Variants in CRYGN observed in about 807,000 individuals in gnomAD.
CRYGN encodes the protein crystallin gamma N, also known as gamma-crystallin N.
Under a neutral mutation model 19.2 loss-of-function variants are expected in CRYGN, and 17 were observed. That is an observed-to-expected ratio of 0.89 (90% CI 0.61 to 1.33). CRYGN has a LOEUF of 1.33. Among genes scored for constraint, CRYGN ranks in the 40% most tolerant of loss-of-function variants. The probability of loss-of-function intolerance (pLI) is 0.00; values close to 1 mark genes in which losing one functional copy is unlikely to be tolerated. For missense variants in CRYGN, 239 were observed against 239.6 expected, an observed-to-expected ratio of 1.00 and a Z score of 0.02; for synonymous variants, 84 against 85.8, an observed-to-expected ratio of 0.98 and a Z score of 0.12.
chr7:151,439,824 T>C lies in CRYGN; in HGVS notation c.21+73A>G. The C allele has an allele frequency of 2.7e-6, 4 of 1,456,976 alleles. No homozygotes were observed. The South Asian group carries it at 5.1e-5, about 19-fold the overall frequency. 90.3% of individuals were successfully genotyped at this position (1,456,976 alleles called of 1,614,324 possible). On this transcript the variant is annotated intron_variant, in intron 1 of 3. Transcript: ENST00000337323. ...TTGTCACCATCAACAGTGTGCACCC[T>C]CCTGCATCCCCTAGCACAGGGGGCG...
chr7:151,437,778 G>A, intron 2 of CRYGN: 1 of 1,388,100 alleles, frequency 7.2e-7, no homozygotes, highest in African/African-American at 1.5e-5. Flanking sequence ...ATTGATACCT[G>A]TATGAAAACT....
Position 151,431,505 on chromosome 7 carries a change from C to A in CRYGN, c.417-1325G>T, listed in dbSNP as rs1009422457. On this transcript the variant is annotated intron_variant, in intron 3 of 3. Transcript: ENST00000337323. This position sits in a 1 kb window ranked among gnomAD's most constrained non-coding sequence, Gnocchi z 4.8. Reference sequence around the variant, plus strand: ...TGCACCAGCTGAAGACGCGAGCCGCCGGTTCTGGGTCTGCCAGCCCTACTG... The same window carrying A: ...TGCACCAGCTGAAGACGCGAGCCGCAGGTTCTGGGTCTGCCAGCCCTACTG... Among the ~76,000 whole-genome samples, 1 of 152,162 alleles carries A rather than the reference C, an allele frequency of 6.6e-6. No homozygotes were observed. The highest frequency in any genetic ancestry group is 1.5e-5 in the Non-Finnish European group (1 of 68,006).
rs772907167 is a variant in CRYGN at position 151,438,164 on chromosome 7, G to A, written c.102C>T (p.Gly34=). The change falls in exon 2 of 4, where the codon GGC becomes GGT. Residue 34 remains glycine, a synonymous_variant. Transcript: ENST00000337323. ...FGDCDNFQDR[G]FMNRVNSIHV... ...GGATGGAGTTCACTCGGTTCATAAA[G>A]CCCCGGTCCTGGAAGTTGTCACAGT... The A allele has an allele frequency of 6.2e-7, 1 of 1,614,220 alleles. No homozygotes were observed. The highest frequency in any genetic ancestry group is 1.1e-5 in the South Asian group (1 of 91,086).
chr7:151,432,282 C>T, intron 3 of CRYGN: 1 of 1,231,594 alleles, frequency 8.1e-7, no homozygotes, highest in Non-Finnish European at 1.0e-6. Context: ...CATACAGGAC[C>T]CACCTGGAGG....
At position 151,430,138 on chromosome 7, in the gene CRYGN, C is replaced by T; in HGVS notation, c.459G>A (p.Leu153=). 1.9e-6 allele frequency: 3 copies of T among 1,613,030 alleles called. No individual in the cohort carries two copies. Among genetic ancestry groups the T allele is most frequent in the Non-Finnish European group, 1.7e-6 (2 of 1,179,016 alleles). The change falls in exon 4 of 4, where the codon CTG becomes CTA. Residue 153 remains leucine (L), a synonymous_variant. Coordinates refer to ENST00000337323, the MANE Select transcript of CRYGN (RefSeq NM_144727.3). This position sits in a 1 kb window ranked among gnomAD's most constrained non-coding sequence, Gnocchi z 5.2. The part of the protein sequence containing the change: ...PRSFGAEDFQ[L]SSSLQSDQGP... ...CTTGATCTGATTGAAGAGAGCTGCT[C>T]AGCTGGAAGTCCTCAGCTCCGAAGC...
At chr7:151,432,883 G>A (rs576570179) in intron 3 of CRYGN, among the ~76,000 whole-genome samples, 1 of 152,280 alleles carries the variant, frequency 6.6e-6, no homozygotes, top group African/African-American at 2.4e-5. Context: ...CTGGTGGGGG[G>A]CCTGGCACAG....
In CRYGN at chr7:151,438,238, G is replaced by C. The variant is rs563377918; in HGVS notation, c.28C>G (p.Leu10Val). 3.7e-6 allele frequency: 6 copies of C among 1,609,132 alleles called. No homozygotes were observed. The African/African-American group carries it at 6.7e-5, about 18-fold the overall frequency. The change falls in exon 2 of 4, where the codon CTC becomes GTC. Residue 10 changes from leucine (L) to valine (V), a missense_variant. By Grantham distance (32) the Leu-to-Val change is conservative. Transcript: ENST00000337323. MAQRSGKIT[L>V]YEGKHFTGQK... is the part of the protein sequence containing the mutation. ...CCTGTGAAGTGCTTGCCTTCATAGA[G>C]AGTGATCTAGAAAGGGCAGGTTACA...
At position 151,430,987 on chromosome 7, in the gene CRYGN, G is replaced by C. The variant is rs763007039; in HGVS notation, c.417-807C>G. On this transcript the variant is annotated intron_variant, in intron 3 of 3. Coordinates refer to ENST00000337323, the MANE Select transcript of CRYGN (RefSeq NM_144727.3). The surrounding 1 kb of genome is among the most constrained non-coding windows in gnomAD (Gnocchi z 5.2). ...CAGCCAGGCCTTGGTCCAGGCACAG[G>C]CCATGTGGACATCTTTGGGGTCTCC... Among the ~76,000 whole-genome samples, 12 of 152,218 alleles carry C rather than the reference G, an allele frequency of 7.9e-5. No individual in the cohort carries two copies. Among genetic ancestry groups the C allele is most frequent in the Non-Finnish European group, 1.3e-4 (9 of 68,042 alleles).
In CRYGN at chr7:151,429,766, A is replaced by C; in HGVS notation, c.*282T>G. ...ATAAATATTCATCAACATCATCACC[A>C]TCATCAGCTGTGGGCTGAGGTGCGA... On this transcript the variant is annotated 3_prime_UTR_variant, in exon 4 of 4. Coordinates refer to ENST00000337323, the MANE Select transcript of CRYGN (RefSeq NM_144727.3). 2.0e-6 allele frequency: 1 copy of C among 497,874 alleles called. No homozygotes were observed. Among genetic ancestry groups the C allele is most frequent in the Non-Finnish European group, 3.6e-6 (1 of 275,114 alleles). 30.8% of individuals were successfully genotyped at this position (497,874 alleles called of 1,614,324 possible).
rs201979525 is a variant in CRYGN, at chr7:151,436,308, G to A, written c.288C>T (p.Arg96=). The A allele has an allele frequency of 3.9e-5, 62 of 1,581,426 alleles. No individual in the cohort carries two copies. The highest frequency in any genetic ancestry group is 5.2e-5 in the Non-Finnish European group (61 of 1,163,834). Residue 96 remains arginine (R), a synonymous_variant, in exon 3 of 4, where the codon CGC becomes CGT. Coordinates refer to ENST00000337323, the MANE Select transcript of CRYGN (RefSeq NM_144727.3). The surrounding 1 kb of genome is among the most constrained non-coding windows in gnomAD (Gnocchi z 5.1). ...RPVGMHGEHF[R]LEIFEGCNFT... ...AGTTGCAACCCTCGAAGATTTCTAG[G>A]CGGAAATGTTCTCCGTGCTCCAAGA... is the stretch of plus-strand genomic sequence containing the variant.
At position 151,429,676 on chromosome 7, in the gene CRYGN, G is replaced by A. The variant is rs1584819811; in HGVS notation, c.*372C>T. On this transcript the variant is annotated 3_prime_UTR_variant, in exon 4 of 4. Transcript: ENST00000337323. ...ATAAGCATATCATCTTGGCATTATT[G>A]TATATGATAAGTAAAATTACACAGA... The A allele has an allele frequency of 6.5e-6, 2 of 308,530 alleles. No homozygotes were observed. The highest frequency in any genetic ancestry group is 8.0e-5 in the East Asian group (1 of 12,460). The allele number at this position is 308,530 out of a possible 1,614,324, so 19.1% of individuals were successfully genotyped here. A position where few individuals can be genotyped will look rare whatever the true frequency, so the allele number is the denominator to read the frequency against.
rs1289125535 is a variant in CRYGN, at chr7:151,436,643, C to T, written c.271-318G>A. Among the ~76,000 whole-genome samples, 9 of 152,272 alleles carry T rather than the reference C, an allele frequency of 5.9e-5. No homozygotes were observed. The highest frequency in any genetic ancestry group is 9.6e-5 in the African/African-American group (4 of 41,562). ...CACACTCAGACCAGGGCTGGGGTCA[C>T]GGGGCTCCCTCTGGGTGCTCAGCGT... is the stretch of plus-strand genomic sequence containing the variant. On this transcript the variant is annotated intron_variant, in intron 2 of 3. Transcript: ENST00000337323. The surrounding 1 kb of genome is among the most constrained non-coding windows in gnomAD (Gnocchi z 5.1).
chr7:151,436,345 A>C lies in CRYGN; in HGVS notation c.271-20T>G. ...TCCGTGCTCCAAGACCAAGCAAAAA[A>C]GAAGGAAAGAAGGAGGTTGCTGTGA... is the stretch of plus-strand genomic sequence containing the variant. On this transcript the variant is annotated intron_variant, in intron 2 of 3. Transcript: ENST00000337323. This position sits in a 1 kb window ranked among gnomAD's most constrained non-coding sequence, Gnocchi z 5.1. 1 of 1,502,758 alleles carries C rather than the reference A, an allele frequency of 6.7e-7. No homozygotes were observed. Among genetic ancestry groups the C allele is most frequent in the Non-Finnish European group, 8.9e-7 (1 of 1,121,202 alleles). 93.1% of individuals were successfully genotyped at this position (1,502,758 alleles called of 1,614,324 possible). A position where few individuals can be genotyped will look rare whatever the true frequency, so the allele number is the denominator to read the frequency against.
In CRYGN at chr7:151,431,952, T is replaced by A; in HGVS notation, c.417-1772A>T. The A allele has an allele frequency of 2.8e-6, 1 of 363,116 alleles. No homozygotes were observed. Among genetic ancestry groups the A allele is most frequent in the Non-Finnish European group, 4.9e-6 (1 of 204,124 alleles). The allele number at this position is 363,116 out of a possible 1,614,324, so 22.5% of individuals were successfully genotyped here. A position where few individuals can be genotyped will look rare whatever the true frequency, so the allele number is the denominator to read the frequency against. On this transcript the variant is annotated intron_variant, in intron 3 of 3. Transcript: ENST00000337323. The surrounding 1 kb of genome is among the most constrained non-coding windows in gnomAD (Gnocchi z 4.8). The stretch of plus-strand genomic sequence containing the variant: ...ACTCTCCCCTCCCTGGCCCAGGGGG[T>A]CCCTGGGAGTCCGGGAAAGCGCCCT...
At position 151,433,661 on chromosome 7, in the gene CRYGN, GCCTCAGAGGCA is replaced by G. The variant is rs1474984126; in HGVS notation, c.416+2508_416+2518del. ...ACCCCACACCTGTGCCACAGCTGGGGCCTCAGAGGCACCTCAGAGAGTCAGCTGGTCCTTTC... is the reference window on the plus strand; with the variant it reads ...ACCCCACACCTGTGCCACAGCTGGGGCCTCAGAGAGTCAGCTGGTCCTTTC... On this transcript the variant is annotated intron_variant, in intron 3 of 3. Coordinates refer to ENST00000337323, the MANE Select transcript of CRYGN (RefSeq NM_144727.3). The surrounding 1 kb of genome is among the most constrained non-coding windows in gnomAD (Gnocchi z 5.1). 1.3e-5 allele frequency: 2 copies of G among 155,022 alleles called. No individual in the cohort carries two copies. The highest frequency in any genetic ancestry group is 4.8e-5 in the African/African-American group (2 of 41,524). 9.6% of individuals were successfully genotyped at this position (155,022 alleles called of 1,614,324 possible).
At position 151,440,034 on chromosome 7, in the gene CRYGN, C is replaced by T; in HGVS notation, c.-117G>A. 7.3e-7 allele frequency: 1 copy of T among 1,364,098 alleles called. No individual in the cohort carries two copies. The allele number at this position is 1,364,098 out of a possible 1,614,324, so 84.5% of individuals were successfully genotyped here. A position where few individuals can be genotyped will look rare whatever the true frequency, so the allele number is the denominator to read the frequency against. On this transcript the variant is annotated 5_prime_UTR_variant, in exon 1 of 4. Coordinates refer to ENST00000337323, the MANE Select transcript of CRYGN (RefSeq NM_144727.3). ...GCCCCGGAGCGTTAGTGCTGTCGGGCGTGCTAAGCCCGAGGGGCCACCAGG... is the reference window on the plus strand; with the variant it reads ...GCCCCGGAGCGTTAGTGCTGTCGGGTGTGCTAAGCCCGAGGGGCCACCAGG...
chr7:151,439,882 G>C lies in CRYGN; in HGVS notation c.21+15C>G. On this transcript the variant is annotated intron_variant, in intron 1 of 3. Coordinates refer to ENST00000337323, the MANE Select transcript of CRYGN (RefSeq NM_144727.3). ...AGCCCCACTCGGTTTCCTTGGGGTT[G>C]AGGGACGCACTCACCTTCCCCGAGC... 1 of 1,557,164 alleles carries C rather than the reference G, an allele frequency of 6.4e-7. No homozygotes were observed. The highest frequency in any genetic ancestry group is 8.7e-7 in the Non-Finnish European group (1 of 1,152,264).
chr7:151,431,712 C>T lies in CRYGN; in HGVS notation c.417-1532G>A, dbSNP rs1801469248. On this transcript the variant is annotated intron_variant, in intron 3 of 3. Coordinates refer to ENST00000337323, the MANE Select transcript of CRYGN (RefSeq NM_144727.3). The surrounding 1 kb of genome is among the most constrained non-coding windows in gnomAD (Gnocchi z 4.8). ...GTCGAAACCATCCTTCCAGAGGGGT[C>T]TCCCTTAGAAACTCCGAGGCCAAGA... 1 of 153,234 alleles carries T rather than the reference C, an allele frequency of 6.5e-6. No individual in the cohort carries two copies. The highest frequency in any genetic ancestry group is 2.4e-5 in the African/African-American group (1 of 41,498). The allele number at this position is 153,234 out of a possible 1,614,324, so 9.5% of individuals were successfully genotyped here.
Position 151,438,255 on chromosome 7 carries a change from C to T in CRYGN, c.22-11G>A, listed in dbSNP as rs1275535945. On this transcript the variant is annotated splice_polypyrimidine_tract_variant and intron_variant, in intron 1 of 3. Transcript: ENST00000337323. ...TTCATAGAGAGTGATCTAGAAAGGGCAGGTTACAGAGCTCAGGGTCAGGGG... is the reference window on the plus strand; with the variant it reads ...TTCATAGAGAGTGATCTAGAAAGGGTAGGTTACAGAGCTCAGGGTCAGGGG... The T allele has an allele frequency of 1.2e-6, 2 of 1,600,646 alleles. No homozygotes were observed. Among genetic ancestry groups the T allele is most frequent in the East Asian group, 2.2e-5 (1 of 44,670 alleles).
Sources: gnomAD v4.1 joint callset for allele counts (sites outside exome capture counted in the v4.1 genomes callset) on GRCh38, gnomAD v4.1.1 for gene constraint, Gnocchi (gnomAD v3.1) non-coding constraint, MANE v1.5 for transcripts, NCBI Gene and HGNC (gene_info 2026-07-23, HGNC 2026-07-21) for gene names.